LRRC28: variants seen among roughly 807,000 people sequenced by gnomAD.
LRRC28 encodes leucine rich repeat containing 28.
Under a neutral mutation model 45.7 loss-of-function variants are expected in LRRC28, and 39 were observed. The observed-to-expected ratio is 0.85, with a 90% CI of 0.66 to 1.12. The LOEUF is 1.12. Ranked by LOEUF, LRRC28 falls within the 50% of genes most tolerant of loss-of-function variation. The pLI is 0.00. For synonymous variants in LRRC28, 206 were observed against 178.8 expected, an observed-to-expected ratio of 1.15 and a Z score of -1.22; for missense variants, 435 against 438.5, an observed-to-expected ratio of 0.99 and a Z score of 0.07.
intron 6 of LRRC28, among the ~76,000 whole-genome samples, chr15:99,334,429 G>A (rs1956257548): frequency 6.6e-6 from 1 of 151,900 alleles, no homozygotes; most frequent in Non-Finnish European, 1.5e-5. Flanking sequence ...GTGTGTGTGT[G>A]TGTGTGTGTG....
chr15:99,374,199 A>G (rs1237740754), intron 9 of LRRC28, among the ~76,000 whole-genome samples: 2 of 152,120 alleles, frequency 1.3e-5, no homozygotes, highest in Admixed American at 1.3e-4. Context: ...CGGTTGACAT[A>G]TATGCTATGT....
intron 7 of LRRC28, 57 bp downstream of exon 7, chr15:99,352,528 T>G: frequency 7.2e-7 from 1 of 1,382,700 alleles, no homozygotes; most frequent in Non-Finnish European, 1.0e-6. Context: ...TTGGTACTTC[T>G]GTTCAATTTT....
chr15:99,341,314 A>G (rs561341379), intron 6 of LRRC28, among the ~76,000 whole-genome samples: 1 of 151,394 alleles, frequency 6.6e-6, no homozygotes, highest in Non-Finnish European at 1.5e-5. Flanking sequence ...CTGGTCTCGA[A>G]CTCCTGACCT....
At chr15:99,344,523 C>T (rs951738442) in intron 6 of LRRC28, among the ~76,000 whole-genome samples, 1 of 152,184 alleles carries the variant, frequency 6.6e-6, no homozygotes, top group Non-Finnish European at 1.5e-5. Context: ...TCAGCTTTAA[C>T]ATAAAATAGT....
intron 2 of LRRC28, chr15:99,258,634 T>C (rs1184721847): frequency 4.0e-6 from 3 of 751,498 alleles, no homozygotes; most frequent in Admixed American, 1.8e-5. Context: ...ATGAATGATA[T>C]CAAACCAATA....
At chr15:99,309,379 T>TTG (rs10643694) in intron 5 of LRRC28, among the ~76,000 whole-genome samples, 63,597 of 151,780 alleles carry the variant, frequency 0.42, 13,831 homozygotes, top group African/African-American at 0.55. Flanking sequence ...TAGTCTTTAT[T>TTG]TGTGTGTGGC....
chr15:99,253,563 G>C (rs1430064462), intron 1 of LRRC28, among the ~76,000 whole-genome samples: 1 of 152,254 alleles, frequency 6.6e-6, no homozygotes, highest in Non-Finnish European at 1.5e-5. Flanking sequence ...GCCAAGCAGA[G>C]TTGCTGGAGA....
chr15:99,287,233 G>GGT, intron 3 of LRRC28, 24 bp from the exon 4 acceptor site: 1 of 1,560,182 alleles, frequency 6.4e-7, no homozygotes. Context: ...GATAATGGCT[G>GGT]TTTTTTTTCT....
chr15:99,320,896 T>C (rs1473237031), intron 5 of LRRC28, among the ~76,000 whole-genome samples: 2 of 152,318 alleles, frequency 1.3e-5, no homozygotes, highest in East Asian at 1.9e-4. Flanking sequence ...AATACACTTA[T>C]TCCAAAAAGA....
intron 3 of LRRC28, chr15:99,286,867 G>A: frequency 6.3e-6 from 1 of 158,376 alleles, no homozygotes; most frequent in Non-Finnish European, 1.4e-5. Flanking sequence ...GAAACGAAAA[G>A]TTCATCTTCC....
At chr15:99,364,171 C>T (rs769135406) in intron 9 of LRRC28, among the ~76,000 whole-genome samples, 1 of 152,106 alleles carries the variant, frequency 6.6e-6, no homozygotes, top group African/African-American at 2.4e-5. Flanking sequence ...ACTTTGCACC[C>T]GACAAGTCTG....
At chr15:99,358,936 C>T (rs1352368680) in intron 7 of LRRC28, among the ~76,000 whole-genome samples, 3 of 151,826 alleles carry the variant, frequency 2.0e-5, no homozygotes, top group East Asian at 1.9e-4. Context: ...ACTAACCGGA[C>T]GTGGTGGCGG....
intron 5 of LRRC28, among the ~76,000 whole-genome samples, chr15:99,333,101 A>G (rs1956210493): frequency 6.6e-6 from 1 of 152,170 alleles, no homozygotes; most frequent in South Asian, 2.1e-4. Context: ...GAAACAGTAA[A>G]TGTCCTTCCC....
chr15:99,303,440 AT>A (rs1263370970), intron 5 of LRRC28, among the ~76,000 whole-genome samples: 1 of 152,210 alleles, frequency 6.6e-6, no homozygotes, highest in Non-Finnish European at 1.5e-5. Context: ...AAAATTTAAA[AT>A]GTGGCAAAGC....
intron 2 of LRRC28, among the ~76,000 whole-genome samples, chr15:99,265,409 A>C (rs2081305991): frequency 6.6e-6 from 1 of 152,160 alleles, no homozygotes; most frequent in Admixed American, 6.5e-5. Flanking sequence ...ATGTTGACGA[A>C]CTGCTGTATT....
chr15:99,252,422 A>G (rs1248032619), intron 1 of LRRC28, among the ~76,000 whole-genome samples: 1 of 152,222 alleles, frequency 6.6e-6, no homozygotes, highest in Non-Finnish European at 1.5e-5. Flanking sequence ...GAGGCAGCCA[A>G]TCCCAGCCAG....
intron 6 of LRRC28, among the ~76,000 whole-genome samples, chr15:99,349,838 C>T (rs936186069): frequency 6.6e-6 from 1 of 152,194 alleles, no homozygotes; most frequent in Non-Finnish European, 1.5e-5. Flanking sequence ...TGTTCAAACT[C>T]ATAAGTAGAA....
chr15:99,281,553 A>G (rs1020613767), intron 3 of LRRC28, among the ~76,000 whole-genome samples: 2 of 152,140 alleles, frequency 1.3e-5, no homozygotes, highest in African/African-American at 4.8e-5. Context: ...TAATTCTGTC[A>G]TCTGTGTCAT....
At chr15:99,385,055 A>G (rs1957940722) in intron 9 of LRRC28, among the ~76,000 whole-genome samples, 1 of 152,204 alleles carries the variant, frequency 6.6e-6, no homozygotes, top group South Asian at 2.1e-4. Context: ...CTGAAGGGCA[A>G]AGGGAGCTCT....
Sources: allele counts gnomAD v4.1 joint callset (sites outside exome capture counted in the v4.1 genomes callset), GRCh38; gene constraint gnomAD v4.1.1; transcripts MANE v1.5; gene names NCBI Gene and HGNC (gene_info 2026-07-23, HGNC 2026-07-21).